Variants in COL9A3 observed in about 807,000 individuals in gnomAD.
COL9A3 encodes the protein collagen alpha-3(IX) chain.
Under a neutral mutation model 110.2 loss-of-function variants are expected in COL9A3, and 82 were observed. The ratio of observed to expected loss-of-function variants is 0.74; its 90% CI spans 0.62 to 0.89. The LOEUF is 0.89. Among genes scored for constraint, COL9A3 ranks in the 40% least tolerant of loss-of-function variants. The pLI is 0.00. For synonymous variants in COL9A3, 494 were observed against 403.8 expected (o/e 1.22, Z -2.68); for missense variants, 1,066 against 981.3 (o/e 1.09, Z -1.15).
chr20:62,837,578 G>A (rs137927929), intron 30 of COL9A3, among the ~76,000 whole-genome samples: 1,829 of 152,308 alleles, frequency 0.012, 15 homozygotes, highest in Non-Finnish European at 0.018. Context: ...GGGGGCTGAG[G>A]TGGGCAGATC....
intron 9 of COL9A3, 47 bp downstream of exon 9, chr20:62,822,211 A>G: frequency 9.0e-7 from 1 of 1,105,876 alleles, no homozygotes; most frequent in Middle Eastern, 2.0e-4. Context: ...ATGGACTAGG[A>G]CACTGGGTTG....
upstream of COL9A3, chr20:62,817,028 G>A: frequency 8.4e-7 from 1 of 1,184,492 alleles, no homozygotes; most frequent in Non-Finnish European, 1.0e-6. Flanking sequence ...CCCGCGCGCC[G>A]CCCGCCCCGA....
intron 16 of COL9A3, among the ~76,000 whole-genome samples, chr20:62,827,584 G>C (rs539059504): frequency 2.0e-5 from 3 of 152,208 alleles, no homozygotes; most frequent in African/African-American, 7.2e-5. Flanking sequence ...CAGAGAAAAC[G>C]GCTCTCGGGT....
chr20:62,822,138 G>C lies in COL9A3; in HGVS notation c.451G>C (p.Gly151Arg). The part of the protein sequence containing the change: ...PGPSGLPGLP[G>R]PPGPPGPPGH... ...ACCTTCTGGACTCCCCGGCCTCCCT[G>C]GTCCCCCAGGACCTCCCGGACCCCC... The change falls in exon 9 of 32, where the codon GGT becomes CGT. Residue 151 changes from glycine (G) to arginine (R), a missense_variant. Physicochemically the swap from Gly to Arg is moderately radical, Grantham distance 125. Coordinates refer to ENST00000649368, the MANE Select transcript of COL9A3 (RefSeq NM_001853.4). 1 of 1,589,568 alleles carries C rather than the reference G, an allele frequency of 6.3e-7. No individual in the cohort carries two copies. Among genetic ancestry groups the C allele is most frequent in the Non-Finnish European group, 8.6e-7 (1 of 1,158,488 alleles).
At chr20:62,826,183 A>T (rs368703394) in intron 13 of COL9A3, 21 bp from the exon 14 acceptor site, 2 of 1,555,252 alleles carry the variant, frequency 1.3e-6, no homozygotes, top group East Asian at 4.8e-5. Flanking sequence ...CAGCCTCTGC[A>T]TCTGTGCCTC....
chr20:62,829,000 A>G (rs766334162), intron 19 of COL9A3, 24 bp downstream of exon 19: 7 of 1,582,216 alleles, frequency 4.4e-6, no homozygotes, highest in East Asian at 2.3e-5. Context: ...GGGTGGGGCC[A>G]GCCTGGGGCG....
chr20:62,834,744 G>A (rs2063622220), intron 26 of COL9A3, among the ~76,000 whole-genome samples: 1 of 152,118 alleles, frequency 6.6e-6, no homozygotes, highest in Non-Finnish European at 1.5e-5. Context: ...CTGCGTTCAA[G>A]CGATTCTCCT....
upstream of COL9A3, chr20:62,816,364 G>A (rs1439272028): frequency 6.6e-6 from 1 of 152,352 alleles, no homozygotes; most frequent in Admixed American, 6.5e-5. Flanking sequence ...TCCCGGGGAG[G>A]GGTTCTTCCC....
chr20:62,836,037 T>C, intron 27 of COL9A3, 84 bp downstream of exon 27: 1 of 1,607,944 alleles, frequency 6.2e-7, no homozygotes, highest in Non-Finnish European at 8.5e-7. Context: ...CAGGCAGCCC[T>C]GCAGGGCACT....
chr20:62,830,416 G>A lies in COL9A3; in HGVS notation c.1215+3G>A, dbSNP rs1262322757. On this transcript the variant is annotated splice_donor_region_variant and intron_variant, in intron 23 of 31. Coordinates refer to ENST00000649368, the MANE Select transcript of COL9A3 (RefSeq NM_001853.4). ...CCCCTGGTGTCCGAGGCTTCCAGGTGGGTGAGGTTGGGGCAAGGGCCTGGC... is the reference window on the plus strand; with the variant it reads ...CCCCTGGTGTCCGAGGCTTCCAGGTAGGTGAGGTTGGGGCAAGGGCCTGGC... The A allele has an allele frequency of 6.4e-7, 1 of 1,567,356 alleles. No individual in the cohort carries two copies. Among genetic ancestry groups the A allele is most frequent in the Non-Finnish European group, 8.6e-7 (1 of 1,156,450 alleles).
Position 62,835,815 on chromosome 20 carries a change from C to CT in COL9A3, c.1369-105dup, listed in dbSNP as rs1321599008. The CT allele has an allele frequency of 9.8e-6, 11 of 1,125,690 alleles. No homozygotes were observed. The African/African-American group carries it at 1.7e-4, about 17-fold the overall frequency. 69.7% of individuals were successfully genotyped at this position (1,125,690 alleles called of 1,614,324 possible). On this transcript the variant is annotated intron_variant, in intron 26 of 31. Coordinates refer to ENST00000649368, the MANE Select transcript of COL9A3 (RefSeq NM_001853.4). Reference sequence around the variant, plus strand: ...ACCACTGTCAATATTTGGATGTAGTCTAATAGCAGGTGTGTGGATGATTTG... The same window carrying CT: ...ACCACTGTCAATATTTGGATGTAGTCTTAATAGCAGGTGTGTGGATGATTTG...
intron 16 of COL9A3, 110 bp downstream of exon 16, chr20:62,827,404 T>TGCCTGGGTGG: frequency 8.5e-7 from 1 of 1,171,452 alleles, no homozygotes; most frequent in South Asian, 1.3e-5. Context: ...TGCAAGGGGC[T>TGCCTGGGTGG]GCCTGGGTGG....
chr20:62,832,055 G>A, intron 24 of COL9A3, 99 bp from the exon 25 acceptor site: 1 of 1,158,578 alleles, frequency 8.6e-7, no homozygotes, highest in South Asian at 1.2e-5. Flanking sequence ...CAGCACAGAT[G>A]GAGATGTGGG....
In COL9A3 at chr20:62,832,991, C is replaced by G. The variant is rs369484021; in HGVS notation, c.1324-29C>G. The G allele has an allele frequency of 5.9e-5, 95 of 1,611,330 alleles. 1 individual carries two copies. In the South Asian group the frequency reaches 6.5e-4, roughly 11 times the overall value. On this transcript the variant is annotated intron_variant, in intron 25 of 31. Coordinates refer to ENST00000649368, the MANE Select transcript of COL9A3 (RefSeq NM_001853.4). Reference sequence around the variant, plus strand: ...AGTCCCTACTCATGCATGAACAGCTCTTTTAACTTTGGGGTGTATCGTTTT... The same window carrying G: ...AGTCCCTACTCATGCATGAACAGCTGTTTTAACTTTGGGGTGTATCGTTTT...
In COL9A3 at chr20:62,819,298, G is replaced by A; in HGVS notation, c.255+5G>A. 6.2e-7 allele frequency: 1 copy of A among 1,603,792 alleles called. No individual in the cohort carries two copies. The highest frequency in any genetic ancestry group is 8.5e-7 in the Non-Finnish European group (1 of 1,176,716). Reference sequence around the variant, plus strand: ...CCGGGACTGCCGGGTGTGGATGTGAGTGCGCCTGCCCCTCCCCGCCATGCC... The same window carrying A: ...CCGGGACTGCCGGGTGTGGATGTGAATGCGCCTGCCCCTCCCCGCCATGCC... On this transcript the variant is annotated splice_donor_5th_base_variant and intron_variant, in intron 4 of 31. Coordinates refer to ENST00000649368, the MANE Select transcript of COL9A3 (RefSeq NM_001853.4).
intron 12 of COL9A3, 22 bp from the exon 13 acceptor site, chr20:62,825,795 C>A (rs1171103483): frequency 1.9e-6 from 3 of 1,551,316 alleles, no homozygotes; most frequent in Admixed American, 3.9e-5. Flanking sequence ...GGCCGCTGAC[C>A]ACCCTATCCC....
intron 26 of COL9A3, among the ~76,000 whole-genome samples, chr20:62,834,372 A>G (rs1422564595): frequency 1.3e-5 from 2 of 152,242 alleles, no homozygotes; most frequent in African/African-American, 4.8e-5. Context: ...GGTGAAGCAT[A>G]AAATTACGTT....
Position 62,817,157 on chromosome 20 carries a change from CG to C in COL9A3, c.78+18del. On this transcript the variant is annotated intron_variant, in intron 1 of 31. Transcript: ENST00000649368. ...CCGGGGCGCAGGTGAGCGCGAGCTC[CG>C]GGCTCTGAGGCTGGACGTGGAGCCG... 1 of 1,384,742 alleles carries C rather than the reference CG, an allele frequency of 7.2e-7. No individual in the cohort carries two copies. Among genetic ancestry groups the C allele is most frequent in the Non-Finnish European group, 9.4e-7 (1 of 1,063,062 alleles). 85.8% of individuals were successfully genotyped at this position (1,384,742 alleles called of 1,614,324 possible). A position where few individuals can be genotyped will look rare whatever the true frequency, so the allele number is the denominator to read the frequency against.
intron 23 of COL9A3, 23 bp from the exon 24 acceptor site, chr20:62,830,494 C>G: frequency 1.2e-6 from 2 of 1,604,700 alleles, no homozygotes; most frequent in Middle Eastern, 1.7e-4. Context: ...TGGGCACTGA[C>G]GAGCCAGGAC....
Sources: gnomAD v4.1 joint callset for allele counts (sites outside exome capture counted in the v4.1 genomes callset) on GRCh38, gnomAD v4.1.1 for gene constraint, MANE v1.5 for transcripts, NCBI Gene and HGNC (gene_info 2026-07-23, HGNC 2026-07-21) for gene names.